NDUFAF6: variants seen among roughly 807,000 people sequenced by gnomAD.
NDUFAF6 encodes NADH:ubiquinone oxidoreductase complex assembly factor 6.
A neutral mutation model predicts 40.8 loss-of-function variants in NDUFAF6; 45 were observed. The ratio of observed to expected loss-of-function variants is 1.10; its 90% CI spans 0.87 to 1.42. The LOEUF (loss-of-function observed/expected upper bound fraction) is 1.42, where lower values mean the gene tolerates loss of function less well. Among genes scored for constraint, NDUFAF6 ranks in the 40% most tolerant of loss-of-function variants. The probability of loss-of-function intolerance (pLI) is 0.00; values close to 1 mark genes in which losing one functional copy is unlikely to be tolerated. For synonymous variants in NDUFAF6, 185 were observed against 155.9 expected, an observed-to-expected ratio of 1.19 and a Z score of -1.39; for missense variants, 435 against 418.5, an observed-to-expected ratio of 1.04 and a Z score of -0.34.
intron 2 of NDUFAF6, chr8:95,033,910 C>T: frequency 4.5e-6 from 2 of 441,860 alleles, no homozygotes; most frequent in South Asian, 3.2e-5. Flanking sequence ...AAGGTAAGGT[C>T]TTGGAGACAC....
At chr8:95,043,731 TAAC>T (rs1204270243) in intron 4 of NDUFAF6, among the ~76,000 whole-genome samples, 1 of 152,192 alleles carries the variant, frequency 6.6e-6, no homozygotes, top group Non-Finnish European at 1.5e-5. Context: ...AGATGCACGA[TAAC>T]AAGTATTGGT....
intron 1 of NDUFAF6, among the ~76,000 whole-genome samples, chr8:94,980,402 T>C (rs1339937479): frequency 1.3e-5 from 2 of 150,992 alleles, no homozygotes; most frequent in Non-Finnish European, 3.0e-5. Context: ...AATGTGGTTA[T>C]TGTTAGGACA....
At chr8:94,932,742 G>A (rs988503528) in intron 1 of NDUFAF6, among the ~76,000 whole-genome samples, 5 of 152,210 alleles carry the variant, frequency 3.3e-5, no homozygotes, top group African/African-American at 1.2e-4. Context: ...GGCGGAGCTT[G>A]CAGTGAGCCG....
At chr8:94,932,081 G>T (rs372202256) in intron 1 of NDUFAF6, 1 of 1,610,426 alleles carries the variant, frequency 6.2e-7, no homozygotes, top group South Asian at 1.1e-5. Context: ...CTGTGCCCGT[G>T]AGTCTTATAA....
chr8:95,055,226 G>A (rs907002329), intron 8 of NDUFAF6: 22 of 152,034 alleles, frequency 1.4e-4, no homozygotes, highest in African/African-American at 5.1e-4. Context: ...GCTTGCTTTG[G>A]CAGCACATAT....
chr8:95,052,237 A>G lies in NDUFAF6; in HGVS notation c.873+7A>G. ...TCCTGCTTTTCTTCAGACGGTAAGTAGATTAACAGAGAAGGCTGTATAATT... is the reference window on the plus strand; with the variant it reads ...TCCTGCTTTTCTTCAGACGGTAAGTGGATTAACAGAGAAGGCTGTATAATT... On this transcript the variant is annotated splice_region_variant and intron_variant, in intron 8 of 8. Transcript: ENST00000396124. 3 of 1,613,232 alleles carry G rather than the reference A, an allele frequency of 1.9e-6. No individual in the cohort carries two copies. The highest frequency in any genetic ancestry group is 3.3e-4 in the Middle Eastern group (2 of 6,060).
chr8:95,025,004 G>A lies in NDUFAF6; in HGVS notation c.-5G>A, dbSNP rs532058076. ...GGGGGTCGAAGGGCACGCAGTGCCGGCGTCATGGCGGCCTCCGCGCACGGC... is the reference window on the plus strand; with the variant it reads ...GGGGGTCGAAGGGCACGCAGTGCCGACGTCATGGCGGCCTCCGCGCACGGC... On this transcript the variant is annotated 5_prime_UTR_variant, in exon 1 of 9. Coordinates refer to ENST00000396124, the MANE Select transcript of NDUFAF6 (RefSeq NM_152416.4). 2 of 1,341,990 alleles carry A rather than the reference G, an allele frequency of 1.5e-6. No homozygotes were observed. Among genetic ancestry groups the A allele is most frequent in the East Asian group, 6.1e-5 (2 of 33,018 alleles). 83.1% of individuals were successfully genotyped at this position (1,341,990 alleles called of 1,614,324 possible).
rs556065794 is a variant in NDUFAF6, at chr8:94,909,348, C to CAAA, written c.-936+13453_-936+13455dup. Among the ~76,000 whole-genome samples the CAAA allele has an allele frequency of 7.7e-3, 703 of 91,768 alleles. 20 individuals carry two copies. The highest frequency in any genetic ancestry group is 9.2e-3 in the Non-Finnish European group (457 of 49,944). 60.2% of individuals were successfully genotyped at this position (91,768 alleles called of 152,430 possible). On this transcript the variant is annotated intron_variant, in intron 1 of 14. Coordinates refer to the NDUFAF6 transcript ENST00000396113. ...TGGACGACAGAGGGAGACTCCGTCTCAAAAAAAAAAAAAAAAAAAAAAAAA... is the reference window on the plus strand; with the variant it reads ...TGGACGACAGAGGGAGACTCCGTCTCAAAAAAAAAAAAAAAAAAAAAAAAAAAA...
downstream of NDUFAF6, among the ~76,000 whole-genome samples, chr8:95,105,066 C>CACACAG (rs1484172223): frequency 2.1e-4 from 15 of 72,884 alleles, no homozygotes; most frequent in African/African-American, 4.1e-4. Flanking sequence ...CACACACACA[C>CACACAG]AGAGAGAGAG....
At chr8:94,938,016 A>G (rs1231628467) in intron 1 of NDUFAF6, among the ~76,000 whole-genome samples, 1 of 152,236 alleles carries the variant, frequency 6.6e-6, no homozygotes, top group Non-Finnish European at 1.5e-5. Flanking sequence ...AATGAAGAGA[A>G]AGAAGATAAA....
At chr8:95,005,554 A>ATATATAT (rs1554657858) in intron 2 of NDUFAF6, among the ~76,000 whole-genome samples, 9,803 of 115,012 alleles carry the variant, frequency 0.085, 764 homozygotes, top group Middle Eastern at 0.093. Context: ...TATATATATA[A>ATATATAT]AAAATATATT....
In NDUFAF6 at chr8:95,045,722, T is replaced by C. The variant is rs73276487; in HGVS notation, c.580+75T>C. ...GAGATTTCACTTTTTCATAATTTGG[T>C]AATCTAACCAGTTTAGCACTAAAGC... is the stretch of plus-strand genomic sequence containing the variant. On this transcript the variant is annotated intron_variant, in intron 5 of 8. Coordinates refer to ENST00000396124, the MANE Select transcript of NDUFAF6 (RefSeq NM_152416.4). The C allele has an allele frequency of 6.8e-3, 8,390 of 1,236,642 alleles. 413 individuals carry two copies. The African/African-American group carries it at 0.11, about 16-fold the overall frequency. The allele number at this position is 1,236,642 out of a possible 1,614,324, so 76.6% of individuals were successfully genotyped here. A position where few individuals can be genotyped will look rare whatever the true frequency, so the allele number is the denominator to read the frequency against.
intron 1 of NDUFAF6, among the ~76,000 whole-genome samples, chr8:94,936,522 C>A (rs543118117): frequency 2.4e-4 from 36 of 152,240 alleles, no homozygotes; most frequent in Admixed American, 1.4e-3. Flanking sequence ...AAAAACAAAT[C>A]GGCTCTGTGG....
chr8:94,955,073 GT>G (rs1822960785), upstream of NDUFAF6, among the ~76,000 whole-genome samples: 1 of 152,178 alleles, frequency 6.6e-6, no homozygotes, highest in Admixed American at 6.5e-5. Flanking sequence ...AAGTGCCTCA[GT>G]TTCCTCACCT....
intron 1 of NDUFAF6, among the ~76,000 whole-genome samples, chr8:94,936,043 A>C (rs749101826): frequency 6.6e-6 from 1 of 152,208 alleles, no homozygotes; most frequent in Non-Finnish European, 1.5e-5. Context: ...TGTGGAAGGG[A>C]AACTGGCACT....
At chr8:94,995,465 A>G (rs1235184761) in intron 2 of NDUFAF6, among the ~76,000 whole-genome samples, 1 of 152,180 alleles carries the variant, frequency 6.6e-6, no homozygotes, top group East Asian at 1.9e-4. Flanking sequence ...TGTAACCACA[A>G]TTAAAAATAA....
In NDUFAF6 at chr8:94,997,122, C is replaced by G. The variant is rs544309620; in HGVS notation, c.-84+16149C>G. ...GGAAAGGTCCCATCTCAGGGCCCTC[C>G]TGTTTGGAGTTTATCCTTCATTTTG... On this transcript the variant is annotated intron_variant, in intron 2 of 9. Coordinates refer to the NDUFAF6 transcript ENST00000396111. 2.0e-5 allele frequency among the ~76,000 whole-genome samples: 3 copies of G among 152,266 alleles called. No individual in the cohort carries two copies. In the South Asian group the frequency reaches 6.2e-4, roughly 32 times the overall value.
At chr8:94,978,055 G>A (rs6471503) in intron 1 of NDUFAF6, among the ~76,000 whole-genome samples, 69,324 of 151,786 alleles carry the variant, frequency 0.46, 17,010 homozygotes, top group East Asian at 0.72. Context: ...GGAATTTCCC[G>A]GGTACTAGAA....
chr8:95,038,798 C>T (rs1829805507), intron 3 of NDUFAF6, among the ~76,000 whole-genome samples: 1 of 151,996 alleles, frequency 6.6e-6, no homozygotes, highest in Non-Finnish European at 1.5e-5. Flanking sequence ...CTGCCTCAGC[C>T]TCCGGAGTAG....
Sources: allele counts gnomAD v4.1 joint callset (sites outside exome capture counted in the v4.1 genomes callset), GRCh38; gene constraint gnomAD v4.1.1; transcripts MANE v1.5; gene names NCBI Gene and HGNC (gene_info 2026-07-23, HGNC 2026-07-21).